BLTP2: variants seen among roughly 807,000 people sequenced by gnomAD.
The protein encoded by BLTP2 is bridge-like lipid transfer protein family member 2, also known as U937-associated antigen.
chr17:28,621,227 G>C, the BLTP2 span: 4 of 1,552,276 alleles, frequency 2.6e-6, no homozygotes, highest in Non-Finnish European at 3.5e-6. Context: ...GATAATGTGA[G>C]AGCCTCCCAG....
chr17:28,631,861 C>T, the BLTP2 span: 1 of 1,614,138 alleles, frequency 6.2e-7, no homozygotes, highest in Non-Finnish European at 8.5e-7. Flanking sequence ...GAAGACATGG[C>T]CCTGACTGCA....
At chr17:28,635,407 C>T in the BLTP2 span, 6 of 1,614,130 alleles carry the variant, frequency 3.7e-6, no homozygotes, top group Non-Finnish European at 5.1e-6. Flanking sequence ...GTTTAGCAGC[C>T]GCTTTGGGGG....
the BLTP2 span, chr17:28,623,790 T>C: frequency 2.5e-6 from 4 of 1,614,102 alleles, no homozygotes; most frequent in South Asian, 1.1e-5. Context: ...CATCCTGCTC[T>C]GTGGGGCTGC....
At chr17:28,635,570 G>A in the BLTP2 span, 1 of 1,614,058 alleles carries the variant, frequency 6.2e-7, no homozygotes. Context: ...ATGTGATCTG[G>A]GGGGCTCCAA....
the BLTP2 span, chr17:28,633,270 T>C: frequency 6.2e-7 from 1 of 1,606,374 alleles, no homozygotes; most frequent in Non-Finnish European, 8.5e-7. Context: ...GACCCTCCCT[T>C]CACTCCACTC....
the BLTP2 span, chr17:28,633,199 GTCAC>G: frequency 1.3e-6 from 2 of 1,595,360 alleles, no homozygotes; most frequent in East Asian, 2.2e-5. Context: ...CAGTGCCCTG[GTCAC>G]TCACTTCCCC....
chr17:28,621,213 T>G, the BLTP2 span: 1 of 1,590,822 alleles, frequency 6.3e-7, no homozygotes, highest in South Asian at 1.1e-5. Flanking sequence ...ACATTCTCAA[T>G]AAAGATAATG....
chr17:28,639,663 G>T, the BLTP2 span: 1 of 1,610,142 alleles, frequency 6.2e-7, no homozygotes, highest in Admixed American at 1.7e-5. Context: ...CCAGAGGACA[G>T]ATCAGAGGAG....
At chr17:28,616,264 T>C in the BLTP2 span, 9 of 1,596,196 alleles carry the variant, frequency 5.6e-6, no homozygotes, top group Non-Finnish European at 7.7e-6. This position sits in a 1 kb window ranked among gnomAD's most constrained non-coding sequence, Gnocchi z 4.8. Context: ...CCCAAACATC[T>C]CCCTCTTCTT....
the BLTP2 span, chr17:28,633,573 C>G: frequency 6.2e-7 from 1 of 1,614,062 alleles, no homozygotes; most frequent in Non-Finnish European, 8.5e-7. Context: ...GGTGCAGGTT[C>G]GCCTGTTCAA....
the BLTP2 span, among the ~76,000 whole-genome samples, chr17:28,618,263 T>C: frequency 6.6e-6 from 1 of 151,812 alleles, no homozygotes; most frequent in Non-Finnish European, 1.5e-5. Flanking sequence ...ATTTATTTTC[T>C]TTTTTAGAGA....
the BLTP2 span, among the ~76,000 whole-genome samples, chr17:28,642,634 G>A: frequency 6.6e-6 from 1 of 152,128 alleles, no homozygotes; most frequent in Non-Finnish European, 1.5e-5. Flanking sequence ...CTAGGCAACA[G>A]AGCAAGACTC....
At chr17:28,633,614 G>A in the BLTP2 span, 2 of 1,614,128 alleles carry the variant, frequency 1.2e-6, no homozygotes, top group South Asian at 1.1e-5. Flanking sequence ...TGGAACAGAA[G>A]ACGGCTCTTG....
the BLTP2 span, among the ~76,000 whole-genome samples, chr17:28,617,869 T>G: frequency 6.6e-6 from 1 of 151,904 alleles, no homozygotes; most frequent in Admixed American, 6.6e-5. Flanking sequence ...GTTCAAGCGA[T>G]TCTCCTGCTT....
the BLTP2 span, chr17:28,635,279 A>G: frequency 1.2e-6 from 2 of 1,614,216 alleles, no homozygotes; most frequent in Non-Finnish European, 1.7e-6. Flanking sequence ...AGCTCTGGAC[A>G]GTATGCCTGC....
At chr17:28,635,058 T>G in the BLTP2 span, 4 of 1,613,198 alleles carry the variant, frequency 2.5e-6, no homozygotes, top group Non-Finnish European at 3.4e-6. Context: ...ACTTCTGAAC[T>G]CCCACAGCCT....
the BLTP2 span, chr17:28,635,761 T>A: frequency 1.4e-6 from 1 of 739,468 alleles, no homozygotes; most frequent in African/African-American, 1.8e-5. Context: ...CTTGCTTTGT[T>A]CCTGTTAGCA....
the BLTP2 span, among the ~76,000 whole-genome samples, chr17:28,625,408 A>G: frequency 6.7e-6 from 1 of 150,256 alleles, no homozygotes; most frequent in Non-Finnish European, 1.5e-5. Flanking sequence ...ATACATAAAA[A>G]TATTCTCTTA....
chr17:28,622,093 G>A, the BLTP2 span, among the ~76,000 whole-genome samples: 1 of 152,144 alleles, frequency 6.6e-6, no homozygotes, highest in South Asian at 2.1e-4. Flanking sequence ...GCAGCCTGAG[G>A]GGGGCGGGGG....
Sources: gnomAD v4.1 joint callset for allele counts (sites outside exome capture counted in the v4.1 genomes callset) on GRCh38, gnomAD v4.1.1 for gene constraint, Gnocchi (gnomAD v3.1) non-coding constraint, MANE v1.5 for transcripts, NCBI Gene and HGNC (gene_info 2026-07-23, HGNC 2026-07-21) for gene names.